Variants in NOS1AP observed in about 807,000 individuals in gnomAD.
NOS1AP encodes the protein nitric oxide synthase 1 adaptor protein.
In NOS1AP, 21 loss-of-function variants were observed where a neutral mutation model predicts 56.2. The ratio of observed to expected loss-of-function variants is 0.37; its 90% CI spans 0.26 to 0.54. The LOEUF is 0.54. NOS1AP is among the 20% of genes least tolerant of loss of function. The pLI, the probability that NOS1AP is intolerant of heterozygous loss-of-function variation, is 0.84. For missense variants in NOS1AP, 522 were observed against 657.8 expected, an observed-to-expected ratio of 0.79 and a Z score of 2.26; for synonymous variants, 270 against 274.6, an observed-to-expected ratio of 0.98 and a Z score of 0.17.
At chr1:162,319,730 G>A (rs1436766380) in intron 4 of NOS1AP, among the ~76,000 whole-genome samples, 2 of 151,968 alleles carry the variant, frequency 1.3e-5, no homozygotes, top group Non-Finnish European at 2.9e-5. Flanking sequence ...CCTGCCAGAT[G>A]GCACACAGCT....
chr1:162,128,251 C>T (rs1648576234), intron 1 of NOS1AP, among the ~76,000 whole-genome samples: 1 of 152,014 alleles, frequency 6.6e-6, no homozygotes, highest in Non-Finnish European at 1.5e-5. Context: ...ATTGTCCCAA[C>T]ATTGTTTATT....
At chr1:162,209,317 C>T (rs1038336622) in intron 2 of NOS1AP, among the ~76,000 whole-genome samples, 4 of 152,184 alleles carry the variant, frequency 2.6e-5, no homozygotes, top group South Asian at 2.1e-4. Flanking sequence ...AAAAGCCAAA[C>T]GTCCAAGCCT....
At chr1:162,152,134 A>G (rs1258307824) in intron 1 of NOS1AP, among the ~76,000 whole-genome samples, 1 of 152,176 alleles carries the variant, frequency 6.6e-6, no homozygotes, top group Non-Finnish European at 1.5e-5. Context: ...GGCCAGGGTC[A>G]TGGTAGCAGG....
At chr1:162,094,031 T>C (rs536523337) in intron 1 of NOS1AP, among the ~76,000 whole-genome samples, 8 of 152,346 alleles carry the variant, frequency 5.3e-5, no homozygotes, top group South Asian at 2.1e-4. Flanking sequence ...AAGACCTCAA[T>C]AGGCGTAAGT....
At chr1:162,079,906 G>A (rs1448818284) in intron 1 of NOS1AP, among the ~76,000 whole-genome samples, 1 of 152,128 alleles carries the variant, frequency 6.6e-6, no homozygotes, top group African/African-American at 2.4e-5. Context: ...CTACTTTGTG[G>A]GCTTAAAATA....
At chr1:162,164,646 CATA>C (rs1426016308) in intron 2 of NOS1AP, among the ~76,000 whole-genome samples, 1 of 152,172 alleles carries the variant, frequency 6.6e-6, no homozygotes, top group African/African-American at 2.4e-5. Context: ...TTTCACTAAG[CATA>C]ATGTTTCTAA....
chr1:162,116,378 T>G (rs895005658), intron 1 of NOS1AP, among the ~76,000 whole-genome samples: 1 of 152,028 alleles, frequency 6.6e-6, no homozygotes, highest in African/African-American at 2.4e-5. Context: ...GGATGTAGAG[T>G]CTTGCATGCT....
At chr1:162,210,825 C>T (rs915718863) in intron 2 of NOS1AP, among the ~76,000 whole-genome samples, 2 of 152,238 alleles carry the variant, frequency 1.3e-5, no homozygotes, top group African/African-American at 4.8e-5. Context: ...CCACTGACTG[C>T]CTTTATTTCT....
intron 6 of NOS1AP, among the ~76,000 whole-genome samples, chr1:162,348,372 C>G: frequency 6.6e-6 from 1 of 152,160 alleles, no homozygotes; most frequent in East Asian, 1.9e-4. Flanking sequence ...AAGGTGGTGA[C>G]AGTGACCATG....
intron 2 of NOS1AP, among the ~76,000 whole-genome samples, chr1:162,185,684 T>C (rs1005880475): frequency 6.6e-6 from 1 of 152,208 alleles, no homozygotes; most frequent in African/African-American, 2.4e-5. Context: ...CTATAATCAC[T>C]TATAGGATAG....
intron 2 of NOS1AP, among the ~76,000 whole-genome samples, chr1:162,282,314 A>G (rs1157637372): frequency 6.6e-6 from 1 of 152,200 alleles, no homozygotes; most frequent in Non-Finnish European, 1.5e-5. Flanking sequence ...TAGGGACTTC[A>G]TATAAGTGGA....
intron 5 of NOS1AP, among the ~76,000 whole-genome samples, chr1:162,339,315 G>A (rs899934963): frequency 2.6e-5 from 4 of 151,978 alleles, no homozygotes; most frequent in African/African-American, 9.7e-5. Flanking sequence ...GAGAAGATTT[G>A]ATCCGTGTGG....
At chr1:162,224,093 G>A (rs945241045) in intron 2 of NOS1AP, among the ~76,000 whole-genome samples, 2 of 151,834 alleles carry the variant, frequency 1.3e-5, no homozygotes, top group Non-Finnish European at 2.9e-5. Context: ...AGGCTGTAGA[G>A]TCATTAACTT....
chr1:162,083,545 A>G (rs570324231), intron 1 of NOS1AP, among the ~76,000 whole-genome samples: 2 of 152,216 alleles, frequency 1.3e-5, no homozygotes, highest in East Asian at 3.9e-4. Context: ...CTGGCCTCAA[A>G]TTGGCTCTTT....
chr1:162,335,743 T>C (rs1385915079), intron 5 of NOS1AP, among the ~76,000 whole-genome samples: 1 of 152,170 alleles, frequency 6.6e-6, no homozygotes, highest in East Asian at 1.9e-4. Context: ...TGTTGGGACT[T>C]TGGTTATTGC....
intron 2 of NOS1AP, among the ~76,000 whole-genome samples, chr1:162,180,486 C>T (rs193018053): frequency 2.6e-5 from 4 of 152,160 alleles, no homozygotes; most frequent in African/African-American, 9.7e-5. Flanking sequence ...CCTTGTGATC[C>T]GCCTGCCTCA....
chr1:162,278,371 G>T (rs377409375), intron 2 of NOS1AP, among the ~76,000 whole-genome samples: 1 of 152,184 alleles, frequency 6.6e-6, no homozygotes, highest in African/African-American at 2.4e-5. Flanking sequence ...GTGAATACTT[G>T]CTGTGAAATA....
chr1:162,244,965 A>G (rs987885887), intron 2 of NOS1AP, among the ~76,000 whole-genome samples: 4 of 152,176 alleles, frequency 2.6e-5, no homozygotes, highest in East Asian at 1.9e-4. Flanking sequence ...CTATGGCTAT[A>G]TAGGGTGATG....
intron 2 of NOS1AP, among the ~76,000 whole-genome samples, chr1:162,195,023 G>T (rs1651760446): frequency 6.6e-6 from 1 of 152,108 alleles, no homozygotes; most frequent in African/African-American, 2.4e-5. Flanking sequence ...CATAGTAGAG[G>T]AAAAGCCAGA....
Sources: gnomAD v4.1 joint callset for allele counts (sites outside exome capture counted in the v4.1 genomes callset) on GRCh38, gnomAD v4.1.1 for gene constraint, MANE v1.5 for transcripts, NCBI Gene and HGNC (gene_info 2026-07-23, HGNC 2026-07-21) for gene names.